TMEM244: variants seen among roughly 807,000 people sequenced by gnomAD.
TMEM244 encodes putative transmembrane protein 244.
Under a neutral mutation model 15.8 loss-of-function variants are expected in TMEM244, and 13 were observed. The observed-to-expected ratio is 0.82, with a 90% CI of 0.53 to 1.30. The LOEUF (loss-of-function observed/expected upper bound fraction) is 1.30, where lower values mean the gene tolerates loss of function less well. TMEM244 is among the 50% of genes most tolerant of loss of function. The probability of loss-of-function intolerance (pLI) is 0.00; values close to 1 mark genes in which losing one functional copy is unlikely to be tolerated. For missense variants in TMEM244, 161 were observed against 144.9 expected, an observed-to-expected ratio of 1.11 and a Z score of -0.57; for synonymous variants, 45 against 48.7, an observed-to-expected ratio of 0.92 and a Z score of 0.32.
At chr6:129,848,578 T>A (rs964290938) in intron 1 of TMEM244, among the ~76,000 whole-genome samples, 1 of 150,474 alleles carries the variant, frequency 6.6e-6, no homozygotes, top group African/African-American at 2.5e-5. Context: ...TAGAGAAGAG[T>A]CTTCAAAGAT....
rs1438791134 is a variant in TMEM244 at position 129,860,769 on chromosome 6, T to G, written c.33+387A>C. On this transcript the variant is annotated intron_variant, in intron 1 of 4. Transcript: ENST00000368143. ...TGTTTCAACACTTTGCATTTAAAAT[T>G]TTGCGCACCCTTTAGAAGTTACAAA... Among the ~76,000 whole-genome samples, 3 of 151,696 alleles carry G rather than the reference T, an allele frequency of 2.0e-5. 1 individual carries two copies. Among genetic ancestry groups the G allele is most frequent in the South Asian group, 4.2e-4 (2 of 4,812 alleles).
chr6:129,857,574 G>T (rs915748284), intron 1 of TMEM244, among the ~76,000 whole-genome samples: 2 of 152,000 alleles, frequency 1.3e-5, no homozygotes, highest in Admixed American at 6.6e-5. Flanking sequence ...TGGCCAGGCT[G>T]TTCTGGAACT....
chr6:129,837,786 A>T (rs1776430144), intron 3 of TMEM244, among the ~76,000 whole-genome samples: 1 of 152,222 alleles, frequency 6.6e-6, no homozygotes, highest in African/African-American at 2.4e-5. Flanking sequence ...TCTCTGATAC[A>T]ACAGACTTTA....
At chr6:129,859,391 A>G (rs1286256472) in intron 1 of TMEM244, among the ~76,000 whole-genome samples, 1 of 152,202 alleles carries the variant, frequency 6.6e-6, no homozygotes, top group Non-Finnish European at 1.5e-5. Context: ...TGACTCTCTC[A>G]CTTGTAGAAT....
At chr6:129,833,195 T>C (rs544129829) in intron 4 of TMEM244, among the ~76,000 whole-genome samples, 1 of 152,298 alleles carries the variant, frequency 6.6e-6, no homozygotes, top group East Asian at 1.9e-4. Flanking sequence ...ACATGGGAAC[T>C]CTCAGTTATA....
At chr6:129,840,976 G>A (rs187376685) in intron 3 of TMEM244, among the ~76,000 whole-genome samples, 5 of 152,292 alleles carry the variant, frequency 3.3e-5, no homozygotes, top group South Asian at 2.1e-4. Context: ...ACTGTTGGTG[G>A]GAGTGTAAAC....
At chr6:129,851,873 T>C (rs969939343) in intron 1 of TMEM244, among the ~76,000 whole-genome samples, 1 of 152,170 alleles carries the variant, frequency 6.6e-6, no homozygotes, top group African/African-American at 2.4e-5. Flanking sequence ...TTAAATATAT[T>C]TGGATCCTGA....
chr6:129,843,903 A>T (rs1776526950), intron 2 of TMEM244, among the ~76,000 whole-genome samples: 1 of 152,226 alleles, frequency 6.6e-6, no homozygotes, highest in African/African-American at 2.4e-5. Context: ...ACAAGGGACA[A>T]GGCAACGTCT....
At chr6:129,836,028 C>G (rs7774464) in intron 3 of TMEM244, among the ~76,000 whole-genome samples, 2 of 152,180 alleles carry the variant, frequency 1.3e-5, no homozygotes, top group African/African-American at 4.8e-5. Context: ...CAGATTTAAA[C>G]GTCCCGTCTG....
chr6:129,859,283 T>C (rs1776766634), intron 1 of TMEM244, among the ~76,000 whole-genome samples: 1 of 152,224 alleles, frequency 6.6e-6, no homozygotes, highest in African/African-American at 2.4e-5. Flanking sequence ...CATTAAGTAC[T>C]GTATGTTCCC....
intron 3 of TMEM244, among the ~76,000 whole-genome samples, chr6:129,842,632 A>C (rs17474775): frequency 0.069 from 10,501 of 152,150 alleles, 443 homozygotes; most frequent in Non-Finnish European, 0.091. Context: ...GTACATTAAA[A>C]AACAAGAATA....
At chr6:129,858,682 GC>G (rs1462780148) in intron 1 of TMEM244, among the ~76,000 whole-genome samples, 2 of 151,922 alleles carry the variant, frequency 1.3e-5, no homozygotes, top group Non-Finnish European at 2.9e-5. Flanking sequence ...TAATTCTTCA[GC>G]CCCCAAAATA....
intron 1 of TMEM244, among the ~76,000 whole-genome samples, chr6:129,858,052 CCATCCGTA>C (rs1175486427): frequency 1.3e-5 from 2 of 151,840 alleles, no homozygotes; most frequent in Non-Finnish European, 2.9e-5. Flanking sequence ...TAATATTGAA[CCATCCGTA>C]CATTTTTGGA....
At position 129,842,011 on chromosome 6, in the gene TMEM244, C is replaced by A. The variant is rs115803443; in HGVS notation, c.193+1519G>T. 2.9e-3 allele frequency among the ~76,000 whole-genome samples: 434 copies of A among 152,230 alleles called. 3 individuals carry two copies. The highest frequency in any genetic ancestry group is 0.01 in the African/African-American group (417 of 41,544). ...TAATACGCTAAGGTTTTATTGATAT[C>A]TTTGTACAAATGTTTGTGTTTCATG... On this transcript the variant is annotated intron_variant, in intron 3 of 4. Coordinates refer to ENST00000368143, the MANE Select transcript of TMEM244 (RefSeq NM_001010876.2).
chr6:129,860,524 T>C (rs899815977), intron 1 of TMEM244, among the ~76,000 whole-genome samples: 4 of 152,172 alleles, frequency 2.6e-5, no homozygotes, highest in African/African-American at 9.7e-5. Context: ...TAATTTAATT[T>C]TTAAGTAAAA....
chr6:129,848,792 C>T (rs1314268870), intron 1 of TMEM244, among the ~76,000 whole-genome samples: 1 of 152,050 alleles, frequency 6.6e-6, no homozygotes, highest in African/African-American at 2.4e-5. Flanking sequence ...TTCTTCCTAC[C>T]ATGTATTGAA....
At chr6:129,857,085 G>C (rs1776722994) in intron 1 of TMEM244, among the ~76,000 whole-genome samples, 1 of 151,868 alleles carries the variant, frequency 6.6e-6, no homozygotes, top group Non-Finnish European at 1.5e-5. Flanking sequence ...GCTATTGTTT[G>C]TGTGTAGAAA....
intron 3 of TMEM244, among the ~76,000 whole-genome samples, chr6:129,834,974 T>A (rs549728131): frequency 6.6e-6 from 1 of 151,942 alleles, no homozygotes; most frequent in East Asian, 1.9e-4. Flanking sequence ...ACAAGCTGCA[T>A]TCATGTATAT....
At chr6:129,836,536 G>A (rs71570985) in intron 3 of TMEM244, among the ~76,000 whole-genome samples, 23,630 of 152,000 alleles carry the variant, frequency 0.16, 2,858 homozygotes, top group African/African-American at 0.33. Flanking sequence ...ACAGCTCCTC[G>A]CCAGTGAGGG....
Sources: allele counts gnomAD v4.1 joint callset (sites outside exome capture counted in the v4.1 genomes callset), GRCh38; gene constraint gnomAD v4.1.1; transcripts MANE v1.5; gene names NCBI Gene and HGNC (gene_info 2026-07-23, HGNC 2026-07-21).